TMBIM6: variants seen among roughly 807,000 people sequenced by gnomAD.
TMBIM6 encodes bax inhibitor 1.
Under a neutral mutation model 31.4 loss-of-function variants are expected in TMBIM6, and 13 were observed. The observed-to-expected ratio is 0.41, with a 90% confidence interval of 0.27 to 0.66. The LOEUF (loss-of-function observed/expected upper bound fraction) is 0.66, where lower values mean the gene tolerates loss of function less well. Among genes scored for constraint, TMBIM6 ranks in the 30% least tolerant of loss-of-function variants. TMBIM6 has a pLI of 0.28. For missense variants in TMBIM6, 275 were observed against 289.5 expected, an observed-to-expected ratio of 0.95 and a Z score of 0.36; for synonymous variants, 85 against 101.7, an observed-to-expected ratio of 0.84 and a Z score of 0.99.
chr12:49,753,469 T>A (rs184822286), intron 3 of TMBIM6, among the ~76,000 whole-genome samples: 90 of 152,356 alleles, frequency 5.9e-4, no homozygotes, highest in African/African-American at 2.0e-3. Flanking sequence ...GAGATCTTTT[T>A]AAGGAATTGA....
At chr12:49,752,906 G>A (rs1369010155) in intron 2 of TMBIM6, 67 bp from the exon 3 acceptor site, 1 of 1,413,070 alleles carries the variant, frequency 7.1e-7, no homozygotes, top group Non-Finnish European at 9.8e-7. Flanking sequence ...AGAGAGAAAT[G>A]ATTCTTCTTA....
At position 49,753,025 on chromosome 12, in the gene TMBIM6, T is replaced by G; in HGVS notation, c.109T>G (p.Cys37Gly). ...GAAGGTCTATGCAAGTTTTGCCCTTTGTATGTTTGTGGCGGCTGCAGGGGC... is the reference window on the plus strand; with the variant it reads ...GAAGGTCTATGCAAGTTTTGCCCTTGGTATGTTTGTGGCGGCTGCAGGGGC... Reference protein sequence around the residue: ...LKKVYASFALCMFVAAAGAYV... With the variant: ...LKKVYASFALGMFVAAAGAYV... Residue 37 changes from cysteine (C) to glycine (G), a missense_variant, in exon 3 of 10, where the codon TGT becomes GGT. Cys to Gly is a radical substitution (Grantham distance 159, BLOSUM62 -3). Coordinates refer to ENST00000267115, the MANE Select transcript of TMBIM6 (RefSeq NM_003217.3). The G allele has an allele frequency of 6.2e-7, 1 of 1,614,086 alleles. No individual in the cohort carries two copies. Among genetic ancestry groups the G allele is most frequent in the Non-Finnish European group, 8.5e-7 (1 of 1,179,992 alleles).
chr12:49,760,005 A>G (rs750208077), intron 8 of TMBIM6, among the ~76,000 whole-genome samples: 1 of 150,560 alleles, frequency 6.6e-6, no homozygotes, highest in Non-Finnish European at 1.5e-5. Flanking sequence ...CCAGCTACTC[A>G]GGAGGCGGAG....
chr12:49,755,820 C>T (rs1274671783), intron 4 of TMBIM6, 65 bp downstream of exon 4: 2 of 1,513,478 alleles, frequency 1.3e-6, no homozygotes, highest in Non-Finnish European at 1.8e-6. Context: ...TTAATTAGTT[C>T]CCCCCCCTTT....
chr12:49,760,781 A>G (rs746244339), intron 8 of TMBIM6, among the ~76,000 whole-genome samples: 7 of 150,600 alleles, frequency 4.6e-5, no homozygotes, highest in Admixed American at 1.3e-4. Flanking sequence ...GCCTCAAGCA[A>G]TCTGCCTTCC....
At chr12:49,755,112 C>G (rs1679522438) in intron 3 of TMBIM6, among the ~76,000 whole-genome samples, 1 of 152,120 alleles carries the variant, frequency 6.6e-6, no homozygotes, top group South Asian at 2.1e-4. Flanking sequence ...CGTGTGCCAC[C>G]ATGCCTGGCT....
At chr12:49,746,829 C>A (rs1945403823) in intron 1 of TMBIM6, among the ~76,000 whole-genome samples, 1 of 152,122 alleles carries the variant, frequency 6.6e-6, no homozygotes, top group African/African-American at 2.4e-5. Context: ...GTTCTTCCCC[C>A]TCCTTTTTTT....
At chr12:49,745,482 T>C (rs1945374004) in intron 1 of TMBIM6, among the ~76,000 whole-genome samples, 1 of 152,150 alleles carries the variant, frequency 6.6e-6, no homozygotes, top group Non-Finnish European at 1.5e-5. Flanking sequence ...CCCAGCACTT[T>C]GGGAGGCCGA....
intron 1 of TMBIM6, chr12:49,743,521 C>T (rs1177859724): frequency 6.6e-6 from 1 of 152,080 alleles, no homozygotes; most frequent in African/African-American, 2.4e-5. Context: ...AGGTGTAATC[C>T]TTTCCTAAAG....
At chr12:49,760,363 G>T (rs1398686807) in intron 8 of TMBIM6, among the ~76,000 whole-genome samples, 1 of 151,994 alleles carries the variant, frequency 6.6e-6, no homozygotes, top group Admixed American at 6.6e-5. Flanking sequence ...CAGTACTCCT[G>T]CCTCAGCCTC....
intron 8 of TMBIM6, 32 bp from the exon 9 acceptor site, chr12:49,761,672 G>A (rs1592734361): frequency 2.5e-6 from 4 of 1,609,042 alleles, no homozygotes; most frequent in African/African-American, 1.3e-5. Flanking sequence ...AAAGTCTGAA[G>A]TACAGATCCT....
intron 8 of TMBIM6, among the ~76,000 whole-genome samples, chr12:49,761,020 G>A (rs367624594): frequency 3.3e-5 from 5 of 152,070 alleles, no homozygotes; most frequent in East Asian, 3.9e-4. Context: ...TGTATTTTTA[G>A]TAGAGATGGG....
At chr12:49,744,468 C>G (rs1945353841) in intron 1 of TMBIM6, 1 of 152,096 alleles carries the variant, frequency 6.6e-6, no homozygotes, top group South Asian at 2.1e-4. Context: ...ATTTTGTTTT[C>G]CAAAGATGGT....
chr12:49,762,959 A>C lies in TMBIM6; in HGVS notation c.*63A>C, dbSNP rs1308088650. 2 of 1,553,544 alleles carry C rather than the reference A, an allele frequency of 1.3e-6. No homozygotes were observed. The highest frequency in any genetic ancestry group is 2.7e-5 in the African/African-American group (2 of 73,508). ...CTTCCACCCCTCATTTCCTTTTTGC[A>C]CACATTACAGGTGGTGTGTTCTGTG... On this transcript the variant is annotated 3_prime_UTR_variant, in exon 10 of 10. Coordinates refer to ENST00000267115, the MANE Select transcript of TMBIM6 (RefSeq NM_003217.3).
In TMBIM6 at chr12:49,753,065, T is replaced by C; in HGVS notation, c.149T>C (p.Val50Ala). 6.2e-7 allele frequency: 1 copy of C among 1,613,746 alleles called. No homozygotes were observed. Among genetic ancestry groups the C allele is most frequent in the Non-Finnish European group, 8.5e-7 (1 of 1,179,858 alleles). The change falls in exon 3 of 10, where the codon GTC (valine) becomes GCC (alanine). Residue 50 changes from valine (V) to alanine (A), a missense_variant. Physicochemically the swap from Val to Ala is moderately conservative, Grantham distance 64. Coordinates refer to ENST00000267115, the MANE Select transcript of TMBIM6 (RefSeq NM_003217.3). ...GCTGCAGGGGCCTATGTCCATATGG[T>C]CACTCATTTCATTCAGGTAAGAACG... Reference protein sequence around the residue: ...VAAAGAYVHMVTHFIQAGLLS... With the variant: ...VAAAGAYVHMATHFIQAGLLS...
intron 1 of TMBIM6, chr12:49,742,689 T>G (rs148150008): frequency 2.5e-4 from 39 of 157,596 alleles, no homozygotes; most frequent in Admixed American, 6.9e-4. Context: ...GGTTTAAGAA[T>G]TGAATTCTGG....
intron 1 of TMBIM6, among the ~76,000 whole-genome samples, chr12:49,751,758 A>ATTTTTTTT (rs58141027): frequency 7.4e-5 from 8 of 108,518 alleles, no homozygotes; most frequent in African/African-American, 2.5e-4. Flanking sequence ...TAGTGAGATA[A>ATTTTTTTT]TTTTTTTTTT....
chr12:49,758,663 C>T lies in TMBIM6; in HGVS notation c.434-20C>T, dbSNP rs1298700356. ...TTTGCCTTGGCTTCTCTCAAGACAG[C>T]TTTTTGCTGTGTCTTATAGGTATCT... is the stretch of plus-strand genomic sequence containing the variant. On this transcript the variant is annotated intron_variant, in intron 6 of 9. Transcript: ENST00000267115. 1.2e-6 allele frequency: 2 copies of T among 1,613,060 alleles called. No homozygotes were observed. Among genetic ancestry groups the T allele is most frequent in the Non-Finnish European group, 1.7e-6 (2 of 1,179,388 alleles).
At chr12:49,752,274 C>G (rs1455286697) in intron 1 of TMBIM6, among the ~76,000 whole-genome samples, 190 bp from the exon 2 acceptor site, 1 of 152,014 alleles carries the variant, frequency 6.6e-6, no homozygotes, top group Non-Finnish European at 1.5e-5. Context: ...CCTCTGTCGT[C>G]TTTAAGATGG....
Sources: gnomAD v4.1 joint callset for allele counts (sites outside exome capture counted in the v4.1 genomes callset) on GRCh38, gnomAD v4.1.1 for gene constraint, MANE v1.5 for transcripts, NCBI Gene and HGNC (gene_info 2026-07-23, HGNC 2026-07-21) for gene names.